Variants in NXPH1 observed in about 807,000 individuals in gnomAD.
The protein encoded by NXPH1 is neurexophilin-1.
Under a neutral mutation model 23.7 loss-of-function variants are expected in NXPH1, and 5 were observed. The ratio of observed to expected loss-of-function variants is 0.21; its 90% confidence interval spans 0.11 to 0.44. NXPH1 has a LOEUF of 0.44. Among genes scored for constraint, NXPH1 ranks in the 20% least tolerant of loss-of-function variants. The pLI is 0.99. For missense variants in NXPH1, 324 were observed against 321.6 expected (o/e 1.01, Z -0.06); for synonymous variants, 144 against 122.2 (o/e 1.18, Z -1.18).
At chr7:8,499,852 G>A (rs1817402349) in intron 2 of NXPH1, among the ~76,000 whole-genome samples, 1 of 152,064 alleles carries the variant, frequency 6.6e-6, no homozygotes, top group African/African-American at 2.4e-5. Flanking sequence ...TTTACAGAGA[G>A]GGAAGGACTG....
chr7:8,551,095 A>G (rs866924048), intron 2 of NXPH1, among the ~76,000 whole-genome samples: 3 of 151,538 alleles, frequency 2.0e-5, no homozygotes, highest in Non-Finnish European at 3.0e-5. Flanking sequence ...TAAAAATTCT[A>G]TCAGCTGTGC....
chr7:8,716,909 A>C (rs550524780), intron 2 of NXPH1, among the ~76,000 whole-genome samples: 1 of 151,752 alleles, frequency 6.6e-6, no homozygotes, highest in Non-Finnish European at 1.5e-5. Context: ...TTATTTCTTC[A>C]CCTCCCTAAT....
intron 2 of NXPH1, among the ~76,000 whole-genome samples, chr7:8,556,734 G>A (rs17151114): frequency 0.12 from 17,828 of 151,644 alleles, 1,557 homozygotes; most frequent in African/African-American, 0.24. Context: ...TTGTGTTACT[G>A]ATAAAACTAC....
chr7:8,687,939 G>A (rs2115181480), intron 2 of NXPH1, among the ~76,000 whole-genome samples: 1 of 152,200 alleles, frequency 6.6e-6, no homozygotes, highest in South Asian at 2.1e-4. Context: ...TTTCCACGTG[G>A]TACAAATACA....
chr7:8,549,069 T>C (rs887191584), intron 2 of NXPH1, among the ~76,000 whole-genome samples: 2 of 151,560 alleles, frequency 1.3e-5, no homozygotes, highest in African/African-American at 4.8e-5. Context: ...TTATCCAGCA[T>C]CTTAAAAGAT....
chr7:8,706,483 G>A (rs933316133), intron 2 of NXPH1, among the ~76,000 whole-genome samples: 1 of 152,308 alleles, frequency 6.6e-6, no homozygotes, highest in Middle Eastern at 3.4e-3. Context: ...AGGTACTTGA[G>A]TGATCCGTTT....
intron 2 of NXPH1, among the ~76,000 whole-genome samples, chr7:8,486,414 A>G (rs1817160329): frequency 6.6e-6 from 1 of 152,190 alleles, no homozygotes; most frequent in African/African-American, 2.4e-5. Context: ...AGGCTGGCCT[A>G]TTGTTTTAGT....
In NXPH1 at chr7:8,435,512, C is replaced by A; in HGVS notation, c.-110-92C>A. On this transcript the variant is annotated intron_variant, in intron 1 of 2. Coordinates refer to ENST00000405863, the MANE Select transcript of NXPH1 (RefSeq NM_152745.3). The surrounding 1 kb of genome is among the most constrained non-coding windows in gnomAD (Gnocchi z 5.9). ...CTCCCTCCCTTTTTTTTTTGGTCCC[C>A]CACTCCCCGCTACGACCCCCTTTCC... 1.7e-6 allele frequency: 1 copy of A among 575,338 alleles called. No individual in the cohort carries two copies. 35.6% of individuals were successfully genotyped at this position (575,338 alleles called of 1,614,324 possible).
In NXPH1 at chr7:8,466,752, C is replaced by T. The variant is rs140022758; in HGVS notation, c.54+30985C>T. ...TGAAGAAACTTTGGGAAGTCAAGTTCTAGTCTTTCGTTCCCTTGTCTTGAA... is the reference window on the plus strand; with the variant it reads ...TGAAGAAACTTTGGGAAGTCAAGTTTTAGTCTTTCGTTCCCTTGTCTTGAA... On this transcript the variant is annotated intron_variant, in intron 2 of 2. Coordinates refer to ENST00000405863, the MANE Select transcript of NXPH1 (RefSeq NM_152745.3). 2.6e-3 allele frequency among the ~76,000 whole-genome samples: 395 copies of T among 152,254 alleles called. 2 individuals are homozygous for T. Among genetic ancestry groups the T allele is most frequent in the African/African-American group, 8.5e-3 (355 of 41,544 alleles).
intron 2 of NXPH1, among the ~76,000 whole-genome samples, chr7:8,646,901 G>T (rs1820407010): frequency 6.6e-6 from 1 of 151,610 alleles, no homozygotes; most frequent in Non-Finnish European, 1.5e-5. Context: ...CAACTCGGGT[G>T]CATGATGGGT....
chr7:8,751,508 T>A lies in NXPH1; in HGVS notation c.555T>A (p.Asp185Glu), dbSNP rs1451987211. 6.2e-7 allele frequency: 1 copy of A among 1,613,722 alleles called. No individual in the cohort carries two copies. Among genetic ancestry groups the A allele is most frequent in the South Asian group, 1.1e-5 (1 of 91,074 alleles). Residue 185 changes from aspartate to glutamate, a missense_variant, in exon 3 of 3, where the codon GAT (aspartate) becomes GAA (glutamate). Physicochemically the swap from Asp to Glu is conservative, Grantham distance 45 (BLOSUM62 2). Transcript: ENST00000405863. This position sits in a 1 kb window ranked among gnomAD's most constrained non-coding sequence, Gnocchi z 4.5. ...EFDLAQQTVI[D>E]AKDSKSFNCR... ...ACTTGGCACAACAAACCGTGATTGATGCCAAAGATTCCAAGTCTTTTAATT... is the reference window on the plus strand; with the variant it reads ...ACTTGGCACAACAAACCGTGATTGAAGCCAAAGATTCCAAGTCTTTTAATT...
intron 2 of NXPH1, among the ~76,000 whole-genome samples, chr7:8,711,783 A>G (rs1242689941): frequency 2.0e-5 from 3 of 152,210 alleles, no homozygotes; most frequent in Non-Finnish European, 4.4e-5. Flanking sequence ...AAATGGAAGG[A>G]AGCCTGACCT....
chr7:8,702,284 C>T (rs895810851), intron 2 of NXPH1, among the ~76,000 whole-genome samples: 2 of 152,160 alleles, frequency 1.3e-5, no homozygotes, highest in East Asian at 1.9e-4. Context: ...ATATTGCATA[C>T]ATGTATTGAA....
intron 2 of NXPH1, among the ~76,000 whole-genome samples, chr7:8,542,085 A>G (rs959609558): frequency 2.6e-5 from 4 of 151,482 alleles, no homozygotes; most frequent in Admixed American, 6.6e-5. Context: ...ATTAAGATCT[A>G]TTAATAACTA....
chr7:8,616,804 G>A (rs542084361), intron 2 of NXPH1, among the ~76,000 whole-genome samples: 6 of 146,982 alleles, frequency 4.1e-5, no homozygotes, highest in East Asian at 2.2e-4. Context: ...ACAAGCTACT[G>A]AAGTATTTTA....
At chr7:8,676,484 T>C (rs1323018257) in intron 2 of NXPH1, among the ~76,000 whole-genome samples, 4 of 61,924 alleles carry the variant, frequency 6.5e-5, no homozygotes, top group Non-Finnish European at 9.2e-5. Context: ...CAAAGGAATT[T>C]TCTGTTTGTA....
In NXPH1 at chr7:8,435,428, G is replaced by C. The variant is rs140234510; in HGVS notation, c.-110-176G>C. The C allele has an allele frequency of 4.0e-6, 2 of 504,944 alleles. No individual in the cohort carries two copies. The highest frequency in any genetic ancestry group is 3.6e-6 in the Non-Finnish European group (1 of 281,062). The allele number at this position is 504,944 out of a possible 1,614,324, so 31.3% of individuals were successfully genotyped here. ...TCCGCCCGCCCGCCTCCCCAGCTGC[G>C]GACCGCGCGCTTGCTGGTCTCAGGC... On this transcript the variant is annotated intron_variant, in intron 1 of 2. Coordinates refer to ENST00000405863, the MANE Select transcript of NXPH1 (RefSeq NM_152745.3). The surrounding 1 kb of genome is among the most constrained non-coding windows in gnomAD (Gnocchi z 5.9).
intron 2 of NXPH1, among the ~76,000 whole-genome samples, chr7:8,637,341 G>C (rs796299435): frequency 3.3e-5 from 5 of 151,998 alleles, no homozygotes; most frequent in African/African-American, 1.2e-4. Context: ...TCCTACACCA[G>C]CTTCTTCAGT....
chr7:8,733,173 C>A (rs1308786198), intron 2 of NXPH1, among the ~76,000 whole-genome samples: 1 of 152,182 alleles, frequency 6.6e-6, no homozygotes, highest in African/African-American at 2.4e-5. Flanking sequence ...ATGATGGTTT[C>A]CAGCTTCATC....
Sources: allele counts gnomAD v4.1 joint callset (sites outside exome capture counted in the v4.1 genomes callset), GRCh38; gene constraint gnomAD v4.1.1; non-coding constraint Gnocchi (gnomAD v3.1); transcripts MANE v1.5; gene names NCBI Gene and HGNC (gene_info 2026-07-23, HGNC 2026-07-21).